Variants in OGDHL observed in about 807,000 individuals in gnomAD.
OGDHL encodes the protein 2-oxoglutarate dehydrogenase-like, mitochondrial.
OGDHL carries 79 observed loss-of-function variants against 109.6 expected under a neutral mutation model. The ratio of observed to expected loss-of-function variants is 0.72; its 90% CI spans 0.60 to 0.87. The LOEUF is 0.87. OGDHL is among the 40% of genes least tolerant of loss of function. The pLI is 0.00. For missense variants in OGDHL, 1,275 were observed against 1,362.2 expected (o/e 0.94, Z 1.01); for synonymous variants, 528 against 537.2 (o/e 0.98, Z 0.24).
chr10:49,740,284 G>A (rs1016467973), intron 16 of OGDHL, among the ~76,000 whole-genome samples: 8 of 152,068 alleles, frequency 5.3e-5, no homozygotes, highest in Non-Finnish European at 1.0e-4. Context: ...ACACAGGCAG[G>A]GAAGCCCAGA....
At chr10:49,740,612 C>T (rs1455989169) in intron 16 of OGDHL, 98 bp downstream of exon 16, 1 of 1,441,772 alleles carries the variant, frequency 6.9e-7, no homozygotes, top group Admixed American at 2.2e-5. Context: ...CTGAGCATCT[C>T]TCGCCCCTCC....
At chr10:49,760,608 A>T (rs1390503259) in intron 1 of OGDHL, among the ~76,000 whole-genome samples, 3 of 152,238 alleles carry the variant, frequency 2.0e-5, no homozygotes. Flanking sequence ...GGGAATAAAC[A>T]TAATAGGCAC....
At position 49,758,446 on chromosome 10, in the gene OGDHL, G is replaced by A. The variant is rs138252681; in HGVS notation, c.147C>T (p.Ser49=). ...CGAAGTACATCTCCTCCATGTAACT[G>A]GAGCCGCCTCCACCTTTGCTGCTTG... is the stretch of plus-strand genomic sequence containing the variant. The part of the protein sequence containing the change: ...TFPSSKGGGG[S]SYMEEMYFAW... Residue 49 remains serine, a synonymous_variant, in exon 2 of 23, where the codon TCC becomes TCT. Transcript: ENST00000374103. 6.2e-7 allele frequency: 1 copy of A among 1,613,880 alleles called. No individual in the cohort carries two copies. Among genetic ancestry groups the A allele is most frequent in the African/African-American group, 1.3e-5 (1 of 75,052 alleles).
chr10:49,738,130 C>T (rs1326828092), intron 18 of OGDHL, 58 bp from the exon 19 acceptor site: 4 of 1,613,910 alleles, frequency 2.5e-6, no homozygotes, highest in East Asian at 4.5e-5. Context: ...ACACCCTGGA[C>T]CCCTAGCCCT....
At chr10:49,761,416 G>C (rs1018614968) in intron 1 of OGDHL, among the ~76,000 whole-genome samples, 2 of 152,228 alleles carry the variant, frequency 1.3e-5, no homozygotes, top group African/African-American at 2.4e-5. Context: ...AACAGAGGCC[G>C]GGAAGGGTTC....
In OGDHL at chr10:49,751,982, C is replaced by G. The variant is rs367609906; in HGVS notation, c.595-1G>C. 3.1e-6 allele frequency: 5 copies of G among 1,614,124 alleles called. No individual in the cohort carries two copies. The highest frequency in any genetic ancestry group is 4.2e-6 in the Non-Finnish European group (5 of 1,180,008). ...GGCCAATGTGCTGGCAGTAGGTGTT[C>G]TGGGGAGACACATTGGGACCCCATG... On this transcript the variant is annotated splice_acceptor_variant, in intron 5 of 22. Coordinates refer to ENST00000374103, the MANE Select transcript of OGDHL (RefSeq NM_018245.3). LOFTEE classifies it high-confidence loss of function.
Position 49,735,017 on chromosome 10 carries a change from G to T in OGDHL, c.*211C>A, listed in dbSNP as rs188565509. ...GGGGGATGCTCCAGCACAGTAGCCT[G>T]CCTATAGGACTCCTCTGGCTCCCTC... On this transcript the variant is annotated 3_prime_UTR_variant, in exon 23 of 23. Transcript: ENST00000374103. 5.9e-6 allele frequency: 3 copies of T among 509,562 alleles called. No homozygotes were observed. The African/African-American group carries it at 5.9e-5, about 10-fold the overall frequency. The allele number at this position is 509,562 out of a possible 1,614,324, so 31.6% of individuals were successfully genotyped here.
chr10:49,751,590 G>C (rs570041069), intron 6 of OGDHL, among the ~76,000 whole-genome samples: 1 of 152,268 alleles, frequency 6.6e-6, no homozygotes, highest in African/African-American at 2.4e-5. Context: ...CAGTGTCCCC[G>C]CTCTCTTGTT....
intron 7 of OGDHL, 88 bp downstream of exon 7, chr10:49,750,751 C>G: frequency 6.8e-7 from 1 of 1,468,632 alleles, no homozygotes; most frequent in South Asian, 1.4e-5. Flanking sequence ...CCACCAACAC[C>G]TCCGCTCTGA....
chr10:49,741,865 TAC>T lies in OGDHL; in HGVS notation c.2012+961_2012+962del, dbSNP rs546921603. Among the ~76,000 whole-genome samples the T allele has an allele frequency of 4.9e-5, 6 of 122,880 alleles. No homozygotes were observed. The South Asian group carries it at 1.6e-3, about 33-fold the overall frequency. 80.6% of individuals were successfully genotyped at this position (122,880 alleles called of 152,430 possible). ...CACACACACCAAACACCACACACACTACACACACCACACATACCACACACACC... is the reference window on the plus strand; with the variant it reads ...CACACACACCAAACACCACACACACTACACACCACACATACCACACACACC... On this transcript the variant is annotated intron_variant, in intron 15 of 22. Coordinates refer to ENST00000374103, the MANE Select transcript of OGDHL (RefSeq NM_018245.3).
intron 15 of OGDHL, among the ~76,000 whole-genome samples, chr10:49,742,500 C>CACACTCCA (rs1841846070): frequency 3.2e-5 from 1 of 31,412 alleles, no homozygotes; most frequent in Non-Finnish European, 8.3e-5. Context: ...TCACCACATA[C>CACACTCCA]CACACACCAC....
At chr10:49,735,632 C>T (rs1324443842) in intron 22 of OGDHL, among the ~76,000 whole-genome samples, 5 of 152,238 alleles carry the variant, frequency 3.3e-5, no homozygotes. Flanking sequence ...TGGGGACAAA[C>T]ATACTTTTGG....
Position 49,752,274 on chromosome 10 carries a change from C to A in OGDHL, c.479-26G>T, listed in dbSNP as rs376266906. ...CTGGAGAAGGAGGCGTGGCCGAGCC[C>A]CGGGCAGCAAAGTGGAGGGAGGGAG... On this transcript the variant is annotated intron_variant, in intron 4 of 22. Coordinates refer to ENST00000374103, the MANE Select transcript of OGDHL (RefSeq NM_018245.3). 449 of 1,585,768 alleles carry A rather than the reference C, an allele frequency of 2.8e-4. No individual in the cohort carries two copies. In the African/African-American group the frequency reaches 5.5e-3, roughly 20 times the overall value.
At chr10:49,738,629 G>A in intron 17 of OGDHL, 1 of 299,146 alleles carries the variant, frequency 3.3e-6, no homozygotes, top group East Asian at 7.9e-5. Flanking sequence ...AACCCCCAAA[G>A]TAGCCCCATG....
Position 49,745,420 on chromosome 10 carries a change from T to C in OGDHL, c.1553A>G (p.His518Arg). 6.2e-7 allele frequency: 1 copy of C among 1,614,150 alleles called. No homozygotes were observed. Among genetic ancestry groups the C allele is most frequent in the Non-Finnish European group, 8.5e-7 (1 of 1,180,024 alleles). Reference sequence around the variant, plus strand: ...CTTCTTCAGCACAGGCACCTGTCTGTGGATCTGCTTGTACATGAGCGGCTG... The same window carrying C: ...CTTCTTCAGCACAGGCACCTGTCTGCGGATCTGCTTGTACATGAGCGGCTG... The part of the protein sequence containing the change: ...FTQPLMYKQI[H>R]RQVPVLKKYA... The change falls in exon 12 of 23, where the codon CAC becomes CGC. Residue 518 changes from histidine to arginine, a missense_variant. Physicochemically the swap from His to Arg is conservative, Grantham distance 29. Transcript: ENST00000374103.
rs1444155020 is a variant in OGDHL, at chr10:49,745,048, T to C, written c.1629+296A>G. 2.0e-5 allele frequency among the ~76,000 whole-genome samples: 3 copies of C among 152,186 alleles called. No individual in the cohort carries two copies. In the East Asian group the frequency reaches 5.8e-4, roughly 29 times the overall value. ...TGAAGGTGGAAGGACGAACACTCCATAGATAATTATGGGGACAACCCCAGC... is the reference window on the plus strand; with the variant it reads ...TGAAGGTGGAAGGACGAACACTCCACAGATAATTATGGGGACAACCCCAGC... On this transcript the variant is annotated intron_variant, in intron 12 of 22. Transcript: ENST00000374103.
intron 15 of OGDHL, among the ~76,000 whole-genome samples, chr10:49,742,215 C>G (rs916502479): frequency 1.0e-4 from 14 of 137,028 alleles, no homozygotes; most frequent in Admixed American, 7.4e-5. Flanking sequence ...ACGCACACCC[C>G]CACAAACCAC....
intron 21 of OGDHL, 21 bp from the exon 22 acceptor site, chr10:49,736,198 G>A (rs376414351): frequency 6.4e-7 from 1 of 1,574,550 alleles, no homozygotes; most frequent in Non-Finnish European, 8.6e-7. Flanking sequence ...AGAAACAAAG[G>A]AGCATAGCCA....
intron 3 of OGDHL, among the ~76,000 whole-genome samples, chr10:49,754,058 C>T (rs1293342067): frequency 6.6e-6 from 1 of 152,142 alleles, no homozygotes; most frequent in Non-Finnish European, 1.5e-5. Context: ...CCCCAAATCC[C>T]ACATTTGTAG....
Sources: allele counts gnomAD v4.1 joint callset (sites outside exome capture counted in the v4.1 genomes callset), GRCh38; gene constraint gnomAD v4.1.1; transcripts MANE v1.5; gene names NCBI Gene and HGNC (gene_info 2026-07-23, HGNC 2026-07-21).